Variants in DIAPH2 observed in about 807,000 individuals in gnomAD.
DIAPH2 encodes the protein diaphanous related formin 2, also known as protein diaphanous homolog 2.
In DIAPH2, 35 loss-of-function variants were observed where a neutral mutation model predicts 92.7. The ratio of observed to expected loss-of-function variants is 0.38; its 90% CI spans 0.29 to 0.50. The LOEUF is 0.50. Among genes scored for constraint, DIAPH2 ranks in the 20% least tolerant of loss-of-function variants. The pLI, the probability that DIAPH2 is intolerant of heterozygous loss-of-function variation, is 0.94. For missense variants in DIAPH2, 701 were observed against 819.5 expected (o/e 0.86, Z 1.77); for synonymous variants, 301 against 280.4 (o/e 1.07, Z -0.73).
chrX:96,968,065 GT>G (rs781460481), intron 17 of DIAPH2, among the ~76,000 whole-genome samples: 16 of 103,213 alleles, frequency 1.6e-4, no homozygotes, highest in East Asian at 3.0e-4. Context: ...ATCTGTTTGG[GT>G]TTTTTTTTTG....
chrX:96,736,317 TC>T (rs1024357755), intron 2 of DIAPH2, among the ~76,000 whole-genome samples: 1 of 111,446 alleles, frequency 9.0e-6, no homozygotes, highest in African/African-American at 3.3e-5. Flanking sequence ...GTTTTTTTTT[TC>T]CTATGTGAAA....
At chrX:97,143,950 CAT>C (rs1159553388) in intron 22 of DIAPH2, among the ~76,000 whole-genome samples, 3 of 111,755 alleles carry the variant, frequency 2.7e-5, no homozygotes, top group Non-Finnish European at 1.9e-5. Flanking sequence ...AGGTTGGTCT[CAT>C]AGAGATAGAG....
At chrX:96,933,998 C>G (rs2065640195) in intron 10 of DIAPH2, among the ~76,000 whole-genome samples, 1 of 110,466 alleles carries the variant, frequency 9.1e-6, no homozygotes, top group Non-Finnish European at 1.9e-5. Flanking sequence ...ATGATCCACC[C>G]CAGCCTCCCA....
chrX:97,005,296 C>T (rs1383194845), intron 17 of DIAPH2, among the ~76,000 whole-genome samples: 12 of 107,072 alleles, frequency 1.1e-4, no homozygotes, highest in African/African-American at 4.1e-4. Flanking sequence ...TAATATTGGC[C>T]TTATAGAATG....
chrX:96,912,685 T>C, intron 7 of DIAPH2, 133 bp downstream of exon 7: 1 of 797,680 alleles, frequency 1.3e-6, no homozygotes, highest in East Asian at 4.0e-5. Context: ...GGCGAACATG[T>C]GCCATGGTGG....
At chrX:97,070,065 T>A (rs998773635) in intron 17 of DIAPH2, among the ~76,000 whole-genome samples, 1 of 111,810 alleles carries the variant, frequency 8.9e-6, no homozygotes, top group Non-Finnish European at 1.9e-5. Flanking sequence ...TTAATAATAA[T>A]ATAAATGTCT....
At chrX:97,542,948 G>A (rs921489944) in intron 26 of DIAPH2, among the ~76,000 whole-genome samples, 16 of 112,035 alleles carry the variant, frequency 1.4e-4, no homozygotes, top group African/African-American at 4.9e-4. Context: ...GAAAGAATGC[G>A]GGGCTCAATA....
chrX:97,302,940 C>T (rs185089160), intron 23 of DIAPH2, among the ~76,000 whole-genome samples: 379 of 111,580 alleles, frequency 3.4e-3, no homozygotes, highest in African/African-American at 0.012. Flanking sequence ...GCCGAGATCG[C>T]GCCACTGCAC....
At chrX:97,473,157 T>C (rs947552237) in intron 26 of DIAPH2, among the ~76,000 whole-genome samples, 2 of 111,637 alleles carry the variant, frequency 1.8e-5, no homozygotes, top group Non-Finnish European at 3.8e-5. Context: ...TTTGCCAATT[T>C]AAAAAATATT....
intron 19 of DIAPH2, among the ~76,000 whole-genome samples, chrX:97,090,334 T>TTTTTTTTTTG (rs1242933185): frequency 1.5e-5 from 1 of 65,237 alleles, no homozygotes; most frequent in African/African-American, 6.8e-5. Flanking sequence ...TTTTTTTTTT[T>TTTTTTTTTTG]GAGAAAGAGC....
rs762422808 is a variant in DIAPH2, at chrX:97,530,652, G to GA, written c.3242-68596dup. ...GGCTTATGAAGAAACTGAACCAAGG[G>GA]AAAAATCAGACAATAGAAATAGACC... On this transcript the variant is annotated intron_variant, in intron 26 of 26. Coordinates refer to ENST00000324765, the MANE Select transcript of DIAPH2 (RefSeq NM_006729.5). Among the ~76,000 whole-genome samples the GA allele has an allele frequency of 9.9e-5, 11 of 111,598 alleles. No individual in the cohort carries two copies. In the South Asian group the frequency reaches 3.0e-3, roughly 31 times the overall value.
intron 3 of DIAPH2, among the ~76,000 whole-genome samples, chrX:96,755,601 C>T (rs866046070): frequency 7.3e-5 from 8 of 110,158 alleles, no homozygotes; most frequent in African/African-American, 2.0e-4. Context: ...TGCAGTGAGC[C>T]GAGATCGCGC....
At chrX:97,389,772 A>G (rs1409640987) in intron 25 of DIAPH2, among the ~76,000 whole-genome samples, 2 of 110,416 alleles carry the variant, frequency 1.8e-5, no homozygotes, top group East Asian at 5.7e-4. Context: ...GAGACCCTCA[A>G]ATCCATCCCC....
At chrX:96,887,170 A>G (rs981309431) in intron 5 of DIAPH2, among the ~76,000 whole-genome samples, 3 of 112,039 alleles carry the variant, frequency 2.7e-5, no homozygotes, top group Non-Finnish European at 5.6e-5. Flanking sequence ...AAGTAGGTCT[A>G]GATATAATGT....
intron 7 of DIAPH2, among the ~76,000 whole-genome samples, chrX:96,913,879 A>G (rs956317149): frequency 1.8e-5 from 2 of 109,935 alleles, no homozygotes; most frequent in Non-Finnish European, 3.8e-5. Context: ...TCTATAAACT[A>G]TTTTTTTTAC....
intron 17 of DIAPH2, among the ~76,000 whole-genome samples, chrX:96,977,601 A>G (rs1359866502): frequency 8.9e-6 from 1 of 112,157 alleles, no homozygotes; most frequent in Non-Finnish European, 1.9e-5. Flanking sequence ...ATTAAGCACA[A>G]TAACAAGTGT....
At chrX:96,800,590 C>A (rs1345705676) in intron 4 of DIAPH2, among the ~76,000 whole-genome samples, 2 of 112,056 alleles carry the variant, frequency 1.8e-5, no homozygotes, top group Non-Finnish European at 3.8e-5. Flanking sequence ...GGGTTTATAG[C>A]CTTTCCTATC....
chrX:96,775,242 C>T (rs1602497107), intron 4 of DIAPH2, among the ~76,000 whole-genome samples: 1 of 110,295 alleles, frequency 9.1e-6, no homozygotes, highest in East Asian at 2.8e-4. Context: ...ATAATACTGC[C>T]TTCTTTTTAA....
chrX:96,829,455 A>G (rs1200053491), intron 4 of DIAPH2, among the ~76,000 whole-genome samples: 2 of 52,425 alleles, frequency 3.8e-5, no homozygotes, highest in Non-Finnish European at 6.0e-5. Context: ...ATATATATAT[A>G]TATATAAAAC....
Sources: gnomAD v4.1 joint callset for allele counts (sites outside exome capture counted in the v4.1 genomes callset) on GRCh38, gnomAD v4.1.1 for gene constraint, MANE v1.5 for transcripts, NCBI Gene and HGNC (gene_info 2026-07-23, HGNC 2026-07-21) for gene names.